Variants in CPA4 observed in about 807,000 individuals in gnomAD.
CPA4 encodes the protein carboxypeptidase A3.
A neutral mutation model predicts 54.7 loss-of-function variants in CPA4; 49 were observed. The observed-to-expected ratio is 0.90, with a 90% CI of 0.71 to 1.14. CPA4 has a LOEUF of 1.14. CPA4 is among the 50% of genes most tolerant of loss of function. The pLI is 0.00. For synonymous variants in CPA4, 215 were observed against 206.8 expected, an observed-to-expected ratio of 1.04 and a Z score of -0.34; for missense variants, 487 against 525.1, an observed-to-expected ratio of 0.93 and a Z score of 0.71.
Position 130,306,910 on chromosome 7 carries a change from A to G in CPA4, c.702+13A>G. ...TACTCAAACTCAAGTGAGTATTCCC[A>G]AATGGGCTGGGCTTGCAGACTGTTG... On this transcript the variant is annotated intron_variant, in intron 7 of 10. Coordinates refer to ENST00000222482, the MANE Select transcript of CPA4 (RefSeq NM_016352.4). 2.1e-6 allele frequency: 3 copies of G among 1,397,242 alleles called. No homozygotes were observed. Among genetic ancestry groups the G allele is most frequent in the Non-Finnish European group, 3.1e-6 (3 of 981,840 alleles). The allele number at this position is 1,397,242 out of a possible 1,614,324, so 86.6% of individuals were successfully genotyped here.
intron 10 of CPA4, among the ~76,000 whole-genome samples, chr7:130,315,275 C>G (rs1040986127): frequency 5.9e-5 from 9 of 152,090 alleles, no homozygotes; most frequent in African/African-American, 1.9e-4. Context: ...GGGCTTGACT[C>G]TGAGGTGGAA....
At chr7:130,306,092 A>T in intron 6 of CPA4, 172 bp downstream of exon 6, 1 of 608,052 alleles carries the variant, frequency 1.6e-6, no homozygotes, top group Non-Finnish European at 2.9e-6. Context: ...TGGTCAGCTC[A>T]CTGCGGCCAA....
At chr7:130,316,289 G>A (rs1327362119) in intron 10 of CPA4, among the ~76,000 whole-genome samples, 1 of 152,208 alleles carries the variant, frequency 6.6e-6, no homozygotes, top group African/African-American at 2.4e-5. Context: ...AGATAGCCCT[G>A]CTTGCTCCAA....
In CPA4 at chr7:130,300,830, T is replaced by C. The variant is rs769489886; in HGVS notation, c.300T>C (p.Asn100=). 20 of 1,612,796 alleles carry C rather than the reference T, an allele frequency of 1.2e-5. No individual in the cohort carries two copies. The highest frequency in any genetic ancestry group is 1.2e-4 in the Admixed American group (7 of 60,000). ...TGTGTTTTCAGGCCCTTTTAGACAA[T>C]GAAGATGATGAAATGCAACACAATG... is the stretch of plus-strand genomic sequence containing the variant. ...TIEDLQALLD[N]EDDEMQHNEG... is the part of the protein sequence containing the mutation. Residue 100 remains asparagine, a synonymous_variant, in exon 4 of 11, where the codon AAT becomes AAC. Transcript: ENST00000222482.
intron 9 of CPA4, among the ~76,000 whole-genome samples, chr7:130,311,256 G>A (rs1793908609): frequency 1.3e-5 from 2 of 152,210 alleles, no homozygotes; most frequent in Admixed American, 1.3e-4. Context: ...GCCATGTATT[G>A]TGGACCCACT....
intron 4 of CPA4, among the ~76,000 whole-genome samples, chr7:130,303,783 C>T (rs570580156): frequency 1.4e-4 from 20 of 142,766 alleles, no homozygotes; most frequent in Non-Finnish European, 2.5e-4. Flanking sequence ...TACACGCCAC[C>T]GCAGCTGCCT....
chr7:130,295,916 T>C (rs934578202), intron 1 of CPA4, among the ~76,000 whole-genome samples: 1 of 152,124 alleles, frequency 6.6e-6, no homozygotes, highest in Admixed American at 6.5e-5. Context: ...GAGGCGGAGA[T>C]TGCAGTGAGC....
intron 8 of CPA4, 52 bp downstream of exon 8, chr7:130,308,449 G>A: frequency 6.9e-7 from 1 of 1,443,094 alleles, no homozygotes; most frequent in Non-Finnish European, 9.8e-7. Context: ...GGCTCGCCTG[G>A]TCTACCAGTG....
chr7:130,319,640 T>C (rs1310982000), intron 10 of CPA4, among the ~76,000 whole-genome samples: 1 of 152,038 alleles, frequency 6.6e-6, no homozygotes, highest in East Asian at 1.9e-4. Context: ...AGGGAGGAGA[T>C]GTATGGACTG....
chr7:130,307,562 G>A (rs1246289295), intron 7 of CPA4, among the ~76,000 whole-genome samples: 1 of 151,672 alleles, frequency 6.6e-6, no homozygotes, highest in East Asian at 1.9e-4. Flanking sequence ...AACCCGGGAG[G>A]CGGAGCTTGC....
At chr7:130,302,488 CAA>C (rs35708499) in intron 4 of CPA4, among the ~76,000 whole-genome samples, 44 of 79,426 alleles carry the variant, frequency 5.5e-4, no homozygotes, top group Admixed American at 5.9e-4. Context: ...GACTCTGTCT[CAA>C]AAAAAAAAAA....
At position 130,293,261 on chromosome 7, in the gene CPA4, T is replaced by C. The variant is rs1793600584; in HGVS notation, c.68+13T>C. The C allele has an allele frequency of 4.0e-6, 6 of 1,516,268 alleles. No individual in the cohort carries two copies. The highest frequency in any genetic ancestry group is 5.5e-6 in the Non-Finnish European group (6 of 1,091,222). The allele number at this position is 1,516,268 out of a possible 1,614,324, so 93.9% of individuals were successfully genotyped here. A position where few individuals can be genotyped will look rare whatever the true frequency, so the allele number is the denominator to read the frequency against. ...AAAAATTTTTTGGGTAAGTTCCTTT[T>C]GGACTTATTATTTGGTTATTTCAGA... On this transcript the variant is annotated intron_variant, in intron 1 of 10. Coordinates refer to ENST00000222482, the MANE Select transcript of CPA4 (RefSeq NM_016352.4).
Position 130,308,326 on chromosome 7 carries a change from C to A in CPA4, c.722C>A (p.Thr241Lys). The change falls in exon 8 of 11, where the codon ACG (threonine) becomes AAG (lysine). Residue 241 changes from threonine (T) to lysine (K), a missense_variant. Thr to Lys is a moderately conservative substitution (Grantham distance 78). Coordinates refer to ENST00000222482, the MANE Select transcript of CPA4 (RefSeq NM_016352.4). ...TQTQNRLWRK[T>K]RSRNPGSSCI... ...TTTCAGAACCGATTATGGAGGAAGA[C>A]GCGGTCCCGAAATCCTGGAAGCTCC... The A allele has an allele frequency of 6.2e-7, 1 of 1,614,132 alleles. No individual in the cohort carries two copies. The highest frequency in any genetic ancestry group is 1.1e-5 in the South Asian group (1 of 91,074).
At chr7:130,302,253 G>A (rs1388031812) in intron 4 of CPA4, among the ~76,000 whole-genome samples, 1 of 152,124 alleles carries the variant, frequency 6.6e-6, no homozygotes, top group East Asian at 1.9e-4. Context: ...TTGGGAGGCC[G>A]AGGTGGGCAG....
At chr7:130,311,862 A>G (rs1297531340) in intron 9 of CPA4, among the ~76,000 whole-genome samples, 176 bp from the exon 10 acceptor site, 1 of 152,146 alleles carries the variant, frequency 6.6e-6, no homozygotes, top group Non-Finnish European at 1.5e-5. Context: ...TGAAGGAACC[A>G]TGCCACCTCC....
chr7:130,311,054 G>A (rs1254251200), intron 9 of CPA4, 68 bp downstream of exon 9: 1 of 1,271,192 alleles, frequency 7.9e-7, no homozygotes, highest in Non-Finnish European at 1.1e-6. Context: ...TAAGGTGGTA[G>A]CTCTGCAGCT....
At chr7:130,313,595 A>G (rs1057364498) in intron 10 of CPA4, among the ~76,000 whole-genome samples, 1 of 147,760 alleles carries the variant, frequency 6.8e-6, no homozygotes, top group African/African-American at 2.4e-5. Context: ...TTTTTAAAGT[A>G]TGTTAAAGAC....
chr7:130,298,664 G>A (rs1793690950), intron 1 of CPA4, 82 bp from the exon 2 acceptor site: 2 of 833,080 alleles, frequency 2.4e-6, no homozygotes, highest in East Asian at 4.9e-5. Context: ...TTACGTCTGG[G>A]ATAGGAGGCT....
chr7:130,293,204 G>A lies in CPA4; in HGVS notation c.24G>A (p.Gly8=). 1 of 1,612,348 alleles carries A rather than the reference G, an allele frequency of 6.2e-7. No individual in the cohort carries two copies. The highest frequency in any genetic ancestry group is 8.5e-7 in the Non-Finnish European group (1 of 1,178,494). MRWILFI[G]ALIGSSICGQ... The stretch of plus-strand genomic sequence containing the variant: ...ACATGAGGTGGATACTGTTCATTGG[G>A]GCCCTTATTGGGTCCAGCATCTGTG... Residue 8 remains glycine, a synonymous_variant, in exon 1 of 11, where the codon GGG becomes GGA. Transcript: ENST00000222482.
Sources: allele counts gnomAD v4.1 joint callset (sites outside exome capture counted in the v4.1 genomes callset), GRCh38; gene constraint gnomAD v4.1.1; transcripts MANE v1.5; gene names NCBI Gene and HGNC (gene_info 2026-07-23, HGNC 2026-07-21).